Variants in CDYL2 observed in about 807,000 individuals in gnomAD.
CDYL2 encodes the protein chromodomain Y-like protein 2.
Under a neutral mutation model 49.4 loss-of-function variants are expected in CDYL2, and 23 were observed. The observed-to-expected ratio is 0.47, with a 90% CI of 0.34 to 0.66. The LOEUF (loss-of-function observed/expected upper bound fraction) is 0.66. Among genes scored for constraint, CDYL2 ranks in the 30% least tolerant of loss-of-function variants. The pLI is 0.01. For synonymous variants in CDYL2, 360 were observed against 268.8 expected (o/e 1.34, Z -3.32); for missense variants, 678 against 656.4 (o/e 1.03, Z -0.36).
intron 2 of CDYL2, among the ~76,000 whole-genome samples, chr16:80,654,230 A>G (rs564047867): frequency 1.3e-5 from 2 of 152,274 alleles, no homozygotes; most frequent in African/African-American, 4.8e-5. Context: ...CCGGAACCCA[A>G]CCAGAAGCCC....
intron 2 of CDYL2, among the ~76,000 whole-genome samples, chr16:80,653,361 A>C (rs1019411429): frequency 2.0e-5 from 3 of 152,212 alleles, no homozygotes. Context: ...GCTACTTGGA[A>C]GTCTGAGGCA....
At chr16:80,694,069 T>C (rs148926162) in intron 1 of CDYL2, among the ~76,000 whole-genome samples, 6 of 152,344 alleles carry the variant, frequency 3.9e-5, no homozygotes, top group Admixed American at 1.3e-4. Context: ...ACCAGTCTCA[T>C]GGAAGACAAT....
At chr16:80,629,929 T>C (rs979235068) in intron 3 of CDYL2, among the ~76,000 whole-genome samples, 1 of 152,246 alleles carries the variant, frequency 6.6e-6, no homozygotes, top group African/African-American at 2.4e-5. Context: ...CTCCTGTGCA[T>C]ACATTATCTC....
chr16:80,709,310 G>C (rs892918881), intron 1 of CDYL2, among the ~76,000 whole-genome samples: 1 of 150,654 alleles, frequency 6.6e-6, no homozygotes, highest in African/African-American at 2.5e-5. Context: ...TGAACCCGGG[G>C]AGTGGAGGTT....
At chr16:80,782,584 C>G (rs927635331) in intron 1 of CDYL2, among the ~76,000 whole-genome samples, 13 of 134,768 alleles carry the variant, frequency 9.6e-5, no homozygotes, top group Non-Finnish European at 1.8e-4. Flanking sequence ...AATATAGATG[C>G]AAAAAATTCT....
intron 2 of CDYL2, among the ~76,000 whole-genome samples, chr16:80,658,019 C>T (rs768602977): frequency 3.3e-5 from 5 of 150,414 alleles, no homozygotes; most frequent in Non-Finnish European, 5.9e-5. Context: ...AGTATACATT[C>T]CAATAAAGAG....
intron 1 of CDYL2, among the ~76,000 whole-genome samples, chr16:80,730,340 T>C (rs1567587770): frequency 6.6e-6 from 1 of 151,776 alleles, no homozygotes; most frequent in Admixed American, 6.6e-5. Flanking sequence ...GCAAATAAAC[T>C]AGAAAATCTA....
chr16:80,755,635 T>C (rs977506336), intron 1 of CDYL2, among the ~76,000 whole-genome samples: 1 of 152,212 alleles, frequency 6.6e-6, no homozygotes, highest in African/African-American at 2.4e-5. Context: ...TTATCCTAAG[T>C]ACCTGAGATA....
chr16:80,708,768 T>C (rs1224567926), intron 1 of CDYL2, among the ~76,000 whole-genome samples: 1 of 152,172 alleles, frequency 6.6e-6, no homozygotes, highest in Admixed American at 6.5e-5. Context: ...TTTGTACTTA[T>C]ATGTAGAAAG....
At chr16:80,628,698 C>T (rs7201458) in intron 3 of CDYL2, among the ~76,000 whole-genome samples, 17,020 of 152,250 alleles carry the variant, frequency 0.11, 3,041 homozygotes, top group African/African-American at 0.38. Context: ...TACAATCCCA[C>T]AAGAGCTAAA....
chr16:80,801,012 T>G (rs1907910043), intron 1 of CDYL2, among the ~76,000 whole-genome samples: 1 of 152,170 alleles, frequency 6.6e-6, no homozygotes, highest in South Asian at 2.1e-4. Context: ...CATCTAAAAG[T>G]GTTCAAATCG....
At chr16:80,689,525 G>C (rs1910328288) in intron 1 of CDYL2, among the ~76,000 whole-genome samples, 1 of 152,148 alleles carries the variant, frequency 6.6e-6, no homozygotes, top group African/African-American at 2.4e-5. Context: ...ACCAAGATTT[G>C]AACCCAAGTT....
intron 2 of CDYL2, among the ~76,000 whole-genome samples, chr16:80,646,931 G>T (rs746945046): frequency 3.7e-4 from 55 of 148,038 alleles, no homozygotes; most frequent in Middle Eastern, 7.1e-3. Flanking sequence ...CCTTGCCAAT[G>T]AATACCAAAA....
At chr16:80,764,788 C>T (rs192726207) in intron 1 of CDYL2, among the ~76,000 whole-genome samples, 257 of 152,006 alleles carry the variant, frequency 1.7e-3, no homozygotes, top group Admixed American at 3.3e-3. Flanking sequence ...CGGCTAGGCG[C>T]GGTGGCTCAA....
At chr16:80,620,279 C>A (rs142982192) in intron 4 of CDYL2, among the ~76,000 whole-genome samples, 1 of 152,332 alleles carries the variant, frequency 6.6e-6, no homozygotes, top group East Asian at 1.9e-4. Flanking sequence ...ATACTCTGTA[C>A]CCCGTTGGGT....
intron 2 of CDYL2, among the ~76,000 whole-genome samples, chr16:80,641,985 C>T (rs1041533257): frequency 2.0e-5 from 3 of 151,292 alleles, no homozygotes; most frequent in African/African-American, 7.3e-5. Context: ...AAACGGAATA[C>T]TATAACATTG....
At chr16:80,635,062 T>C (rs529092232) in intron 2 of CDYL2, among the ~76,000 whole-genome samples, 78 of 152,162 alleles carry the variant, frequency 5.1e-4, no homozygotes, top group African/African-American at 1.8e-3. Flanking sequence ...TGAACACAGA[T>C]GGAAAAATAA....
chr16:80,647,095 T>C (rs537978299), intron 2 of CDYL2, among the ~76,000 whole-genome samples: 90 of 152,262 alleles, frequency 5.9e-4, no homozygotes, highest in African/African-American at 2.0e-3. Flanking sequence ...ATTAAAAAGT[T>C]ATCCCATTTA....
rs68130206 is a variant in CDYL2, at chr16:80,672,352, C to CACACACAGAGAGAGAG, written c.616+12185_616+12186insCTCTCTCTCTGTGTGT. ...ACACACACACACACACACACACACA[C>CACACACAGAGAGAGAG]AGAGAGAGAGAGAGAGATGAGTAGA... On this transcript the variant is annotated intron_variant, in intron 2 of 6. Transcript: ENST00000570137. 3.1e-4 allele frequency among the ~76,000 whole-genome samples: 36 copies of CACACACAGAGAGAGAG among 117,844 alleles called. No homozygotes were observed. In the East Asian group the frequency reaches 3.3e-3, roughly 11 times the overall value. The allele number at this position is 117,844 out of a possible 152,430, so 77.3% of individuals were successfully genotyped here.
Sources: gnomAD v4.1 joint callset for allele counts (sites outside exome capture counted in the v4.1 genomes callset) on GRCh38, gnomAD v4.1.1 for gene constraint, MANE v1.5 for transcripts, NCBI Gene and HGNC (gene_info 2026-07-23, HGNC 2026-07-21) for gene names.